The following GAREM1 variants were observed in gnomAD, a reference collection of about 807,000 sequenced individuals.
GAREM1 encodes GRB2 associated regulator of MAPK1 subtype 1, also known as GRB2-associated and regulator of MAPK protein 1.
Under a neutral mutation model 71.3 loss-of-function variants are expected in GAREM1, and 26 were observed. The ratio of observed to expected loss-of-function variants is 0.36; its 90% confidence interval spans 0.27 to 0.51. GAREM1 has a LOEUF of 0.51. Among genes scored for constraint, GAREM1 ranks in the 20% least tolerant of loss-of-function variants. The pLI, the probability that GAREM1 is intolerant of heterozygous loss-of-function variation, is 0.95. For missense variants in GAREM1, 1,026 were observed against 1,103.1 expected, an observed-to-expected ratio of 0.93 and a Z score of 0.99; for synonymous variants, 440 against 433.2, an observed-to-expected ratio of 1.02 and a Z score of -0.20.
At chr18:32,403,911 T>C (rs1170245856) in intron 1 of GAREM1, among the ~76,000 whole-genome samples, 1 of 152,252 alleles carries the variant, frequency 6.6e-6, no homozygotes, top group African/African-American at 2.4e-5. Flanking sequence ...ACTTAACCTG[T>C]AGAAATTACA....
chr18:32,467,900 T>C (rs1418063313), intron 1 of GAREM1, among the ~76,000 whole-genome samples: 1 of 151,816 alleles, frequency 6.6e-6, no homozygotes, highest in African/African-American at 2.4e-5. Flanking sequence ...CCTCAACCTG[T>C]CCTAAACTGT....
intron 2 of GAREM1, among the ~76,000 whole-genome samples, chr18:32,373,298 C>T (rs1460624179): frequency 2.0e-5 from 3 of 152,096 alleles, no homozygotes; most frequent in Non-Finnish European, 4.4e-5. Context: ...GAAATAATAC[C>T]TACTTAGTAA....
At chr18:32,364,533 TA>T (rs1254090105) in intron 2 of GAREM1, among the ~76,000 whole-genome samples, 4 of 152,276 alleles carry the variant, frequency 2.6e-5, no homozygotes, top group African/African-American at 9.6e-5. Flanking sequence ...ATTGATTTTA[TA>T]AAAGTCTGTT....
At chr18:32,274,646 T>TC (rs1488551725) in intron 4 of GAREM1, among the ~76,000 whole-genome samples, 8 of 152,126 alleles carry the variant, frequency 5.3e-5, no homozygotes, top group Admixed American at 1.3e-4. Context: ...GGCACGCAGG[T>TC]CCATGCAAAG....
chr18:32,465,813 T>C (rs2048993563), intron 1 of GAREM1, among the ~76,000 whole-genome samples: 1 of 152,242 alleles, frequency 6.6e-6, no homozygotes, highest in African/African-American at 2.4e-5. Context: ...GGGTCCACGC[T>C]TGCGTTGGAC....
intron 2 of GAREM1, among the ~76,000 whole-genome samples, chr18:32,363,920 A>ACACACACACACACACACACACAC (rs1408632288): frequency 3.4e-5 from 5 of 146,660 alleles, no homozygotes; most frequent in African/African-American, 1.3e-4. Context: ...ACACACACAT[A>ACACACACACACACACACACACAC]AAAAAATATA....
At chr18:32,365,527 C>T (rs924900539) in intron 2 of GAREM1, among the ~76,000 whole-genome samples, 4 of 152,138 alleles carry the variant, frequency 2.6e-5, no homozygotes, top group African/African-American at 9.7e-5. Flanking sequence ...AGGTAAATAA[C>T]CTTTCTATAC....
At chr18:32,299,286 G>A (rs192128877) in intron 3 of GAREM1, among the ~76,000 whole-genome samples, 90 of 151,986 alleles carry the variant, frequency 5.9e-4, no homozygotes, top group African/African-American at 2.1e-3. Context: ...AGGCGGAGGC[G>A]GGCGGATCAC....
At chr18:32,420,600 T>C (rs112646277) in intron 1 of GAREM1, among the ~76,000 whole-genome samples, 2,410 of 152,048 alleles carry the variant, frequency 0.016, 76 homozygotes, top group African/African-American at 0.056. Context: ...GTAAAAAACG[T>C]TTCCATTTAA....
intron 3 of GAREM1, among the ~76,000 whole-genome samples, chr18:32,309,459 CA>C (rs573481458): frequency 6.7e-6 from 1 of 148,682 alleles, no homozygotes. Context: ...ACTAAAAATA[CA>C]AAAAAAATAG....
chr18:32,330,637 C>A (rs2047523655), intron 2 of GAREM1, among the ~76,000 whole-genome samples: 1 of 149,064 alleles, frequency 6.7e-6, no homozygotes, highest in Non-Finnish European at 1.5e-5. Context: ...ATACAAACCA[C>A]TGCACTTTTA....
At chr18:32,317,125 C>T (rs541159888) in intron 2 of GAREM1, among the ~76,000 whole-genome samples, 1 of 152,258 alleles carries the variant, frequency 6.6e-6, no homozygotes, top group East Asian at 1.9e-4. Context: ...TGAGAATGGG[C>T]CAGGCGCGGT....
intron 3 of GAREM1, among the ~76,000 whole-genome samples, chr18:32,301,699 C>CTT (rs2144501410): frequency 6.6e-6 from 1 of 152,282 alleles, no homozygotes; most frequent in South Asian, 2.1e-4. Flanking sequence ...GGCACTTTTG[C>CTT]TATAAAACCC....
At chr18:32,391,177 C>G (rs572303487) in intron 2 of GAREM1, among the ~76,000 whole-genome samples, 67 of 152,274 alleles carry the variant, frequency 4.4e-4, no homozygotes, top group African/African-American at 1.6e-3. Context: ...AAATGATGAG[C>G]TGAGGGAGGT....
At chr18:32,461,269 T>G (rs1484898117) in intron 1 of GAREM1, among the ~76,000 whole-genome samples, 4 of 152,224 alleles carry the variant, frequency 2.6e-5, no homozygotes, top group African/African-American at 4.8e-5. Context: ...CCAGGCATTG[T>G]GCTAAGAGCT....
chr18:32,339,897 C>T (rs1002331910), intron 2 of GAREM1, among the ~76,000 whole-genome samples: 3 of 152,216 alleles, frequency 2.0e-5, no homozygotes, highest in African/African-American at 7.2e-5. Flanking sequence ...CTGCTCCATC[C>T]CTGTTGTATA....
intron 2 of GAREM1, among the ~76,000 whole-genome samples, chr18:32,375,165 C>T (rs2048020614): frequency 6.6e-6 from 1 of 152,008 alleles, no homozygotes; most frequent in African/African-American, 2.4e-5. Flanking sequence ...TATCTGGCAA[C>T]CTAGGTATTA....
intron 1 of GAREM1, among the ~76,000 whole-genome samples, chr18:32,397,523 T>C (rs113660695): frequency 0.087 from 13,251 of 151,974 alleles, 646 homozygotes; most frequent in African/African-American, 0.13. Flanking sequence ...ACAAAACAGA[T>C]TTTAAACCAA....
At chr18:32,378,057 T>TGTGTGTGTGCGCGCGC (rs1293817110) in intron 2 of GAREM1, among the ~76,000 whole-genome samples, 1 of 127,526 alleles carries the variant, frequency 7.8e-6, no homozygotes, top group African/African-American at 3.0e-5. Flanking sequence ...TGTGTGTGTG[T>TGTGTGTGTGCGCGCGC]GCGCGCGGGC....
Sources: gnomAD v4.1 joint callset for allele counts (sites outside exome capture counted in the v4.1 genomes callset) on GRCh38, gnomAD v4.1.1 for gene constraint, MANE v1.5 for transcripts, NCBI Gene and HGNC (gene_info 2026-07-23, HGNC 2026-07-21) for gene names.